FHIT: variants seen among roughly 807,000 people sequenced by gnomAD.
FHIT encodes the protein fragile histidine triad diadenosine triphosphatase, also known as bis(5'-adenosyl)-triphosphatase.
In FHIT, 19 loss-of-function variants were observed where a neutral mutation model predicts 17.9. That is an observed-to-expected ratio of 1.06 (90% CI 0.74 to 1.56). The LOEUF (loss-of-function observed/expected upper bound fraction) is 1.56. Ranked by LOEUF, FHIT falls within the 40% of genes most tolerant of loss-of-function variation. The pLI, the probability that FHIT is intolerant of heterozygous loss-of-function variation, is 0.00. For missense variants in FHIT, 248 were observed against 189.2 expected (o/e 1.31, Z -1.82); for synonymous variants, 81 against 69.7 (o/e 1.16, Z -0.81).
At chr3:60,709,807 C>A (rs2041470615) in intron 4 of FHIT, among the ~76,000 whole-genome samples, 1 of 152,192 alleles carries the variant, frequency 6.6e-6, no homozygotes, top group South Asian at 2.1e-4. Context: ...AATTTTATCA[C>A]TATCAACAAA....
chr3:61,096,881 C>T (rs1478637809), intron 2 of FHIT, among the ~76,000 whole-genome samples: 1 of 152,084 alleles, frequency 6.6e-6, no homozygotes, highest in African/African-American at 2.4e-5. Context: ...GAGGCCAAGG[C>T]AGGTGCAACA....
intron 5 of FHIT, among the ~76,000 whole-genome samples, chr3:60,138,183 C>T (rs1173437348): frequency 1.3e-5 from 2 of 152,148 alleles, no homozygotes; most frequent in Non-Finnish European, 2.9e-5. Context: ...CTATTCTTAA[C>T]ATGACGCAAA....
intron 5 of FHIT, among the ~76,000 whole-genome samples, chr3:60,201,751 C>T (rs1702918615): frequency 6.6e-6 from 1 of 151,858 alleles, no homozygotes; most frequent in South Asian, 2.1e-4. Context: ...TAATAAATAG[C>T]TGAGTTCATC....
chr3:60,482,332 C>T lies in FHIT; in HGVS notation c.103+54528G>A, dbSNP rs561257200. 2.0e-5 allele frequency among the ~76,000 whole-genome samples: 3 copies of T among 152,206 alleles called. No individual in the cohort carries two copies. In the South Asian group the frequency reaches 6.2e-4, roughly 32 times the overall value. On this transcript the variant is annotated intron_variant, in intron 5 of 9. Coordinates refer to ENST00000492590, the MANE Select transcript of FHIT (RefSeq NM_002012.4). ...CTGGAGGGCTCTGGATCAAGCGGACCTAATAGACAGCTACAGAACTCCCTA... is the reference window on the plus strand; with the variant it reads ...CTGGAGGGCTCTGGATCAAGCGGACTTAATAGACAGCTACAGAACTCCCTA...
chr3:60,447,741 C>T (rs2031441976), intron 5 of FHIT, among the ~76,000 whole-genome samples: 1 of 152,144 alleles, frequency 6.6e-6, no homozygotes. Flanking sequence ...AATACCACTC[C>T]TGCAGCTGCC....
chr3:59,956,673 A>C (rs986234029), intron 7 of FHIT, among the ~76,000 whole-genome samples: 1 of 152,112 alleles, frequency 6.6e-6, no homozygotes, highest in African/African-American at 2.4e-5. Context: ...TCCAAAAATA[A>C]AAAAAAGACA....
intron 5 of FHIT, among the ~76,000 whole-genome samples, chr3:60,208,042 C>T (rs1223617138): frequency 6.6e-6 from 1 of 152,190 alleles, no homozygotes; most frequent in Non-Finnish European, 1.5e-5. Context: ...TAGTACTTGA[C>T]AGCAATGCTT....
chr3:60,790,156 G>C (rs576752847), intron 4 of FHIT, among the ~76,000 whole-genome samples: 1 of 152,190 alleles, frequency 6.6e-6, no homozygotes, highest in Non-Finnish European at 1.5e-5. Context: ...CTGCTGTCTT[G>C]TTGGTTTATT....
At chr3:61,134,204 G>T (rs1187277916) in intron 2 of FHIT, among the ~76,000 whole-genome samples, 1 of 151,968 alleles carries the variant, frequency 6.6e-6, no homozygotes, top group Non-Finnish European at 1.5e-5. Flanking sequence ...AGGGTAGGGG[G>T]TTGGCTCATA....
intron 7 of FHIT, among the ~76,000 whole-genome samples, chr3:59,942,521 A>AAACAAAATG (rs1366955705): frequency 6.6e-6 from 1 of 152,220 alleles, no homozygotes; most frequent in African/African-American, 2.4e-5. Flanking sequence ...GCATTAAACA[A>AAACAAAATG]AACAAAATGG....
At chr3:60,845,392 T>G (rs1248707616) in intron 3 of FHIT, among the ~76,000 whole-genome samples, 2 of 151,708 alleles carry the variant, frequency 1.3e-5, no homozygotes, top group Non-Finnish European at 2.9e-5. Flanking sequence ...CCATAGCTAC[T>G]TAAGGGTAAA....
chr3:61,214,982 G>A (rs193017108), intron 1 of FHIT, among the ~76,000 whole-genome samples: 57,694 of 149,028 alleles, frequency 0.39, 11,530 homozygotes, highest in East Asian at 0.51. Flanking sequence ...AACTCTCAAT[G>A]AATTAGGTAT....
chr3:60,571,665 T>C lies in FHIT; in HGVS notation c.-17-34686A>G, dbSNP rs528364420. Among the ~76,000 whole-genome samples the C allele has an allele frequency of 1.2e-3, 179 of 152,148 alleles. 1 individual carries two copies. The highest frequency in any genetic ancestry group is 4.1e-3 in the African/African-American group (170 of 41,516). On this transcript the variant is annotated intron_variant, in intron 4 of 9. Coordinates refer to ENST00000492590, the MANE Select transcript of FHIT (RefSeq NM_002012.4). ...AAATAAAGGCAGGCTTTAGAGGGAA[T>C]AGAGAAACTTTTGGATTCAAAAGAA...
chr3:61,246,367 C>G (rs756767583), intron 1 of FHIT, among the ~76,000 whole-genome samples: 2 of 152,130 alleles, frequency 1.3e-5, no homozygotes, highest in African/African-American at 4.8e-5. Flanking sequence ...GATCAAGACC[C>G]CTTTCTGGGA....
intron 3 of FHIT, among the ~76,000 whole-genome samples, chr3:60,888,101 T>C (rs1553759739): frequency 6.6e-6 from 1 of 152,166 alleles, no homozygotes; most frequent in African/African-American, 2.4e-5. Context: ...GGTTATGAGC[T>C]TTCTAACACT....
chr3:60,368,464 A>C (rs1431038718), intron 5 of FHIT, among the ~76,000 whole-genome samples: 4 of 151,862 alleles, frequency 2.6e-5, no homozygotes, highest in Admixed American at 2.6e-4. Flanking sequence ...TTCTTTGGGC[A>C]CTCTGTTGAA....
At chr3:59,979,143 C>G (rs1462857082) in intron 7 of FHIT, among the ~76,000 whole-genome samples, 1 of 152,128 alleles carries the variant, frequency 6.6e-6, no homozygotes, top group Non-Finnish European at 1.5e-5. Context: ...AAATGTCACA[C>G]TGAGGCTGAG....
At chr3:60,636,794 G>A (rs538620709) in intron 4 of FHIT, among the ~76,000 whole-genome samples, 39 of 152,250 alleles carry the variant, frequency 2.6e-4, no homozygotes, top group African/African-American at 8.9e-4. Flanking sequence ...TGTTGGACAC[G>A]GAGAAGGTTT....
At chr3:60,709,701 C>CT (rs1418439558) in intron 4 of FHIT, among the ~76,000 whole-genome samples, 43 of 152,180 alleles carry the variant, frequency 2.8e-4, no homozygotes, top group African/African-American at 9.4e-4. Context: ...CATCATTGAC[C>CT]TTTTATTAGA....
Sources: gnomAD v4.1 joint callset for allele counts (sites outside exome capture counted in the v4.1 genomes callset) on GRCh38, gnomAD v4.1.1 for gene constraint, MANE v1.5 for transcripts, NCBI Gene and HGNC (gene_info 2026-07-23, HGNC 2026-07-21) for gene names.